Variants in NRXN1 observed in about 807,000 individuals in gnomAD.
The protein encoded by NRXN1 is neurexin 1, also known as neurexin-1.
A neutral mutation model predicts 150.9 loss-of-function variants in NRXN1; 39 were observed. The observed-to-expected ratio is 0.26, with a 90% CI of 0.20 to 0.34. NRXN1 has a LOEUF of 0.34. NRXN1 is among the 10% of genes least tolerant of loss of function. The probability of loss-of-function intolerance (pLI) is 1.00; values close to 1 mark genes in which losing one functional copy is unlikely to be tolerated. For synonymous variants in NRXN1, 924 were observed against 757.0 expected (o/e 1.22, Z -3.62); for missense variants, 1,815 against 1,949.9 (o/e 0.93, Z 1.30).
intron 2 of NRXN1, among the ~76,000 whole-genome samples, chr2:50,940,341 G>A (rs1057223919): frequency 2.6e-5 from 4 of 151,946 alleles, no homozygotes; most frequent in African/African-American, 7.2e-5. Context: ...TGGGCATGGT[G>A]GTGCATGCCT....
At position 49,921,767 on chromosome 2, in the gene NRXN1, T is replaced by C; in HGVS notation, c.*177A>G. 1.5e-6 allele frequency: 1 copy of C among 682,202 alleles called. No homozygotes were observed. Among genetic ancestry groups the C allele is most frequent in the Non-Finnish European group, 2.4e-6 (1 of 423,232 alleles). The allele number at this position is 682,202 out of a possible 1,614,324, so 42.3% of individuals were successfully genotyped here. A position where few individuals can be genotyped will look rare whatever the true frequency, so the allele number is the denominator to read the frequency against. On this transcript the variant is annotated 3_prime_UTR_variant, in exon 23 of 23. Coordinates refer to ENST00000401669, the MANE Select transcript of NRXN1 (RefSeq NM_001330078.2). ...GTTTTTTGTTTTTTGTTTTTCTTTTTTGAGAAACAAGAGCATGAGATACTT... is the reference window on the plus strand; with the variant it reads ...GTTTTTTGTTTTTTGTTTTTCTTTTCTGAGAAACAAGAGCATGAGATACTT...
intron 15 of NRXN1, among the ~76,000 whole-genome samples, chr2:50,474,268 G>A (rs1194821627): frequency 6.6e-6 from 1 of 151,798 alleles, no homozygotes; most frequent in Non-Finnish European, 1.5e-5. Context: ...TACAAAATTA[G>A]CTTTCTGTAT....
chr2:50,610,128 G>C (rs1559014612), intron 8 of NRXN1, among the ~76,000 whole-genome samples: 1 of 152,044 alleles, frequency 6.6e-6, no homozygotes, highest in Non-Finnish European at 1.5e-5. Context: ...AAGATCTAAA[G>C]ACAAGAGTAT....
At chr2:50,002,700 C>A (rs148245049) in intron 21 of NRXN1, among the ~76,000 whole-genome samples, 1 of 152,056 alleles carries the variant, frequency 6.6e-6, no homozygotes, top group African/African-American at 2.4e-5. Context: ...TTCTGCCCTG[C>A]TCTGTCCGCC....
At chr2:50,845,429 G>C (rs1454728796) in intron 5 of NRXN1, among the ~76,000 whole-genome samples, 1 of 152,154 alleles carries the variant, frequency 6.6e-6, no homozygotes, top group East Asian at 1.9e-4. Flanking sequence ...CTTCAGATAG[G>C]TTAGGGAACC....
intron 12 of NRXN1, among the ~76,000 whole-genome samples, chr2:50,522,719 CATTTTTTTTTTTTTTTTTT>C (rs1261635684): frequency 2.3e-5 from 2 of 86,596 alleles, no homozygotes; most frequent in South Asian, 3.9e-4. Context: ...TATTTTTATT[CATTTTTTTTTTTTTTTTTT>C]TTTTTTTTTT....
chr2:50,453,862 C>G (rs2087244336), intron 17 of NRXN1, among the ~76,000 whole-genome samples: 1 of 152,084 alleles, frequency 6.6e-6, no homozygotes, highest in South Asian at 2.1e-4. Context: ...AAAAATACTT[C>G]AAGAGTGTCA....
At position 50,347,433 on chromosome 2, in the gene NRXN1, C is replaced by T; in HGVS notation, c.3365-110463G>A. The stretch of plus-strand genomic sequence containing the variant: ...TTGTGTGCGGGGACTAGGGAGGCCA[C>T]TTCGCCGGCCCAACCTCCTTTCAAG... On this transcript the variant is annotated intron_variant, in intron 17 of 22. Coordinates refer to ENST00000401669, the MANE Select transcript of NRXN1 (RefSeq NM_001330078.2). This position sits in a 1 kb window ranked among gnomAD's most constrained non-coding sequence, Gnocchi z 4.9. The T allele has an allele frequency of 1.8e-6, 2 of 1,142,104 alleles. No individual in the cohort carries two copies. The highest frequency in any genetic ancestry group is 1.7e-5 in the African/African-American group (1 of 59,008). The allele number at this position is 1,142,104 out of a possible 1,614,324, so 70.7% of individuals were successfully genotyped here. A position where few individuals can be genotyped will look rare whatever the true frequency, so the allele number is the denominator to read the frequency against.
At chr2:50,767,541 G>C (rs968244304) in intron 5 of NRXN1, among the ~76,000 whole-genome samples, 1 of 152,016 alleles carries the variant, frequency 6.6e-6, no homozygotes, top group Non-Finnish European at 1.5e-5. Flanking sequence ...CTAGATTTCC[G>C]ACAGTGTGCT....
At chr2:50,837,885 C>T (rs1002758108) in intron 5 of NRXN1, among the ~76,000 whole-genome samples, 4 of 152,066 alleles carry the variant, frequency 2.6e-5, no homozygotes, top group Non-Finnish European at 5.9e-5. Context: ...CAGAAATACA[C>T]TCAGAAATAC....
intron 15 of NRXN1, among the ~76,000 whole-genome samples, chr2:50,484,335 T>C (rs1266434247): frequency 6.6e-6 from 1 of 152,152 alleles, no homozygotes; most frequent in East Asian, 1.9e-4. Flanking sequence ...ACCAATAAGG[T>C]CATCACATCC....
intron 19 of NRXN1, among the ~76,000 whole-genome samples, chr2:50,073,419 C>T (rs1270214878): frequency 1.3e-5 from 2 of 152,150 alleles, no homozygotes; most frequent in Admixed American, 6.5e-5. Context: ...CTTCTGTCTT[C>T]CACTATCCTT....
At chr2:50,022,421 G>A (rs1193760584) in intron 21 of NRXN1, among the ~76,000 whole-genome samples, 1 of 152,068 alleles carries the variant, frequency 6.6e-6, no homozygotes, top group Non-Finnish European at 1.5e-5. Context: ...TTAATGATTA[G>A]ATACATAGAA....
chr2:50,514,666 A>G (rs1212016028), intron 12 of NRXN1, among the ~76,000 whole-genome samples: 1 of 152,220 alleles, frequency 6.6e-6, no homozygotes, highest in Admixed American at 6.5e-5. Flanking sequence ...CATAGAATGT[A>G]TGTAAACAAA....
chr2:49,980,336 A>G (rs946426677), intron 21 of NRXN1, among the ~76,000 whole-genome samples: 3 of 152,160 alleles, frequency 2.0e-5, no homozygotes, highest in Non-Finnish European at 4.4e-5. Context: ...TCCATCTTCC[A>G]TACTTTAAGA....
intron 10 of NRXN1, among the ~76,000 whole-genome samples, 191 bp from the exon 11 acceptor site, chr2:50,531,621 G>T (rs892322979): frequency 3.8e-4 from 58 of 152,082 alleles, no homozygotes; most frequent in Admixed American, 3.5e-3. Context: ...GACTTCCCTT[G>T]TGAGATATTT....
At chr2:50,679,285 T>C (rs1690010655) in intron 5 of NRXN1, among the ~76,000 whole-genome samples, 1 of 152,074 alleles carries the variant, frequency 6.6e-6, no homozygotes, top group Non-Finnish European at 1.5e-5. Context: ...TCTTGGAGTA[T>C]GGGACAAAGG....
intron 22 of NRXN1, among the ~76,000 whole-genome samples, chr2:49,939,418 C>T (rs1043971016): frequency 6.6e-6 from 1 of 152,196 alleles, no homozygotes; most frequent in African/African-American, 2.4e-5. Context: ...TCAATTAGCC[C>T]TCCTCCATCA....
At chr2:50,991,261 A>T (rs1163961709) in intron 2 of NRXN1, among the ~76,000 whole-genome samples, 2 of 152,018 alleles carry the variant, frequency 1.3e-5, no homozygotes, top group African/African-American at 4.8e-5. Context: ...AAATATCCAC[A>T]TTTTAAAAAA....
Sources: gnomAD v4.1 joint callset for allele counts (sites outside exome capture counted in the v4.1 genomes callset) on GRCh38, gnomAD v4.1.1 for gene constraint, Gnocchi (gnomAD v3.1) non-coding constraint, MANE v1.5 for transcripts, NCBI Gene and HGNC (gene_info 2026-07-23, HGNC 2026-07-21) for gene names.